GALNT7: variants seen among roughly 807,000 people sequenced by gnomAD.
GALNT7 encodes the protein polypeptide N-acetylgalactosaminyltransferase 7, also known as N-acetylgalactosaminyltransferase 7.
GALNT7 carries 60 observed loss-of-function variants against 82.1 expected under a neutral mutation model. The ratio of observed to expected loss-of-function variants is 0.73; its 90% CI spans 0.59 to 0.91. The LOEUF is 0.91. Among genes scored for constraint, GALNT7 ranks in the 40% least tolerant of loss-of-function variants. The pLI, the probability that GALNT7 is intolerant of heterozygous loss-of-function variation, is 0.00. For synonymous variants in GALNT7, 243 were observed against 275.1 expected, an observed-to-expected ratio of 0.88 and a Z score of 1.15; for missense variants, 660 against 804.2, an observed-to-expected ratio of 0.82 and a Z score of 2.17.
chr4:173,313,879 A>G, intron 8 of GALNT7, 79 bp from the exon 9 acceptor site: 1 of 562,162 alleles, frequency 1.8e-6, no homozygotes, highest in Non-Finnish European at 2.9e-6. Flanking sequence ...GGCCATTTTC[A>G]TGTGTCTAAT....
intron 1 of GALNT7, among the ~76,000 whole-genome samples, chr4:173,192,508 G>A (rs949650399): frequency 1.1e-4 from 17 of 152,188 alleles, no homozygotes; most frequent in African/African-American, 4.1e-4. Context: ...AAGGTTGTCT[G>A]GAGAGGTATC....
chr4:173,211,396 C>T (rs917489160), intron 1 of GALNT7, among the ~76,000 whole-genome samples: 5 of 152,210 alleles, frequency 3.3e-5, no homozygotes, highest in Non-Finnish European at 5.9e-5. Flanking sequence ...GATCCAGCTT[C>T]TTCAGTCTAC....
chr4:173,236,598 C>G (rs1734237695), intron 1 of GALNT7, among the ~76,000 whole-genome samples: 1 of 152,156 alleles, frequency 6.6e-6, no homozygotes, highest in Non-Finnish European at 1.5e-5. Flanking sequence ...TCATCTCCTG[C>G]CCTTCTGTTA....
intron 2 of GALNT7, among the ~76,000 whole-genome samples, chr4:173,255,223 G>A (rs1277894197): frequency 6.6e-6 from 1 of 152,060 alleles, no homozygotes; most frequent in African/African-American, 2.4e-5. Context: ...CTCTCTCCCT[G>A]AAGTGCCTTC....
chr4:173,296,962 T>G (rs1381072124), intron 5 of GALNT7, among the ~76,000 whole-genome samples: 1 of 152,230 alleles, frequency 6.6e-6, no homozygotes, highest in East Asian at 1.9e-4. Context: ...TTTTTAAACT[T>G]CTGAAAAGCA....
intron 1 of GALNT7, among the ~76,000 whole-genome samples, chr4:173,233,688 C>T (rs1734116308): frequency 6.6e-6 from 1 of 152,212 alleles, no homozygotes; most frequent in South Asian, 2.1e-4. Flanking sequence ...GTCCGCCTCC[C>T]AGCCAGGCCA....
intron 1 of GALNT7, among the ~76,000 whole-genome samples, chr4:173,177,511 G>A (rs1732087774): frequency 6.6e-6 from 1 of 151,822 alleles, no homozygotes; most frequent in South Asian, 2.1e-4. Context: ...AAAAATGTGT[G>A]TATTAAGAAG....
intron 1 of GALNT7, among the ~76,000 whole-genome samples, chr4:173,180,170 A>G (rs1001539221): frequency 6.6e-6 from 1 of 152,162 alleles, no homozygotes; most frequent in Non-Finnish European, 1.5e-5. Context: ...TTATATAAAC[A>G]TTTTAAAAAT....
rs1260169158 is a variant in GALNT7 at position 173,304,100 on chromosome 4, G to A, written c.1371G>A (p.Gly457=). The change falls in exon 8 of 12, where the codon GGG becomes GGA. Residue 457 remains glycine, a synonymous_variant. Coordinates refer to ENST00000265000, the MANE Select transcript of GALNT7 (RefSeq NM_017423.3). ...GAAATCCTCCGCCCATTTATGTTGG[G>A]TCTTCTCCAACTCTGAAGGTGAGTT... ...WQGNPPPIYV[G]SSPTLKNYVR... is the part of the protein sequence containing the mutation. The A allele has an allele frequency of 5.0e-6, 8 of 1,613,350 alleles. No homozygotes were observed. In the African/African-American group the frequency reaches 5.3e-5, roughly 11 times the overall value.
At chr4:173,233,787 G>A (rs1173840380) in intron 1 of GALNT7, among the ~76,000 whole-genome samples, 1 of 152,080 alleles carries the variant, frequency 6.6e-6, no homozygotes, top group Non-Finnish European at 1.5e-5. Context: ...GCTTTTTAAT[G>A]TCTCACCCTT....
At chr4:173,247,245 G>A (rs907311517) in intron 1 of GALNT7, among the ~76,000 whole-genome samples, 10 of 151,564 alleles carry the variant, frequency 6.6e-5, no homozygotes, top group African/African-American at 2.2e-4. Flanking sequence ...CATAGGTGAT[G>A]AAGACGGCCC....
intron 3 of GALNT7, among the ~76,000 whole-genome samples, chr4:173,295,019 G>A (rs1736669929): frequency 6.6e-6 from 1 of 152,128 alleles, no homozygotes; most frequent in Non-Finnish European, 1.5e-5. Flanking sequence ...AGTAGGCAGT[G>A]CATCTTCAGA....
intron 1 of GALNT7, among the ~76,000 whole-genome samples, chr4:173,187,647 A>G (rs1166341046): frequency 2.0e-5 from 3 of 152,218 alleles, no homozygotes; most frequent in Non-Finnish European, 4.4e-5. Context: ...TCTTTACCCC[A>G]ACATAGTTCA....
intron 1 of GALNT7, among the ~76,000 whole-genome samples, chr4:173,242,398 A>T (rs920707048): frequency 1.3e-5 from 2 of 152,168 alleles, no homozygotes; most frequent in African/African-American, 2.4e-5. Context: ...AGGCATTGCC[A>T]TTGGAAAGTG....
At chr4:173,169,005 CTTGTT>C (rs1394914148) in intron 1 of GALNT7, 44 bp downstream of exon 1, 3 of 1,601,522 alleles carry the variant, frequency 1.9e-6, no homozygotes, top group Non-Finnish European at 2.6e-6. Flanking sequence ...CGACCGGCAA[CTTGTT>C]TTGTTTGCCC....
At chr4:173,261,888 C>T (rs1735278977) in intron 2 of GALNT7, among the ~76,000 whole-genome samples, 1 of 152,072 alleles carries the variant, frequency 6.6e-6, no homozygotes, top group Non-Finnish European at 1.5e-5. Context: ...TGTCAGTTAA[C>T]TATCAAAATA....
Position 173,318,491 on chromosome 4 carries a change from G to A in GALNT7, c.1768G>A (p.Ala590Thr). Reference protein sequence around the residue: ...MQYDQCLTKGADGSKVMITHC... With the variant: ...MQYDQCLTKGTDGSKVMITHC... ...GTATGACCAGTGTTTGACAAAGGGA[G>A]CTGATGGATCAAAAGTTATGATTAC... The change falls in exon 11 of 12, where the codon GCT (alanine) becomes ACT (threonine). Residue 590 changes from alanine (A) to threonine (T), a missense_variant. Transcript: ENST00000265000. 1 of 1,587,248 alleles carries A rather than the reference G, an allele frequency of 6.3e-7. No homozygotes were observed. The highest frequency in any genetic ancestry group is 8.6e-7 in the Non-Finnish European group (1 of 1,156,540).
At chr4:173,305,215 C>CA (rs1737109279) in intron 8 of GALNT7, among the ~76,000 whole-genome samples, 1 of 152,134 alleles carries the variant, frequency 6.6e-6, no homozygotes, top group Non-Finnish European at 1.5e-5. Flanking sequence ...CTTCATATAA[C>CA]TGTTGGCTAG....
chr4:173,245,503 T>C (rs1734593602), intron 1 of GALNT7, among the ~76,000 whole-genome samples: 1 of 152,164 alleles, frequency 6.6e-6, no homozygotes, highest in Non-Finnish European at 1.5e-5. Context: ...ACTACTCTTC[T>C]ATATTTAATA....
Sources: allele counts gnomAD v4.1 joint callset (sites outside exome capture counted in the v4.1 genomes callset), GRCh38; gene constraint gnomAD v4.1.1; transcripts MANE v1.5; gene names NCBI Gene and HGNC (gene_info 2026-07-23, HGNC 2026-07-21).